Variants in UPF3B observed in about 807,000 individuals in gnomAD.
The protein encoded by UPF3B is UPF3B regulator of nonsense mediated mRNA decay.
UPF3B carries 7 observed loss-of-function variants against 40.3 expected under a neutral mutation model. The observed-to-expected ratio is 0.17, with a 90% CI of 0.10 to 0.33. The LOEUF (loss-of-function observed/expected upper bound fraction) is 0.33. UPF3B is among the 10% of genes least tolerant of loss of function. The pLI is 1.00. For missense variants in UPF3B, 229 were observed against 358.9 expected (o/e 0.64, Z 2.93); for synonymous variants, 117 against 117.3 (o/e 1.00, Z 0.01).
chrX:119,827,364 A>G (rs1034629621), intron 3 of UPF3B, among the ~76,000 whole-genome samples: 3 of 111,486 alleles, frequency 2.7e-5, no homozygotes, highest in Non-Finnish European at 5.6e-5. Context: ...GGCTAGTATC[A>G]CTGCTTACAA....
chrX:119,839,236 C>T (rs182368602), intron 8 of UPF3B, among the ~76,000 whole-genome samples: 1 of 112,164 alleles, frequency 8.9e-6, no homozygotes, highest in Non-Finnish European at 1.9e-5. Flanking sequence ...TTATGTAGTA[C>T]TTGGAATGAC....
At chrX:119,832,550 G>A (rs1379241208), downstream of UPF3B, among the ~76,000 whole-genome samples, 2 of 112,186 alleles carry the variant, frequency 1.8e-5, no homozygotes, top group Non-Finnish European at 3.8e-5. Flanking sequence ...TTACAGGCAT[G>A]AGCCACCATG....
chrX:119,840,797 G>T, intron 7 of UPF3B, 113 bp from the exon 8 acceptor site: 1 of 758,886 alleles, frequency 1.3e-6, no homozygotes, highest in Non-Finnish European at 2.0e-6. Flanking sequence ...CATTTACTAT[G>T]AATTTAGAGG....
intron 1 of UPF3B, 121 bp from the exon 2 acceptor site, chrX:119,851,994 G>A (rs112495071): frequency 1.2e-5 from 6 of 507,922 alleles, no homozygotes; most frequent in South Asian, 2.9e-5. Flanking sequence ...AAAAACCCAG[G>A]AGAAAATATT....
chrX:119,817,033 C>T (rs1036790475), intron 4 of UPF3B, among the ~76,000 whole-genome samples: 1 of 111,487 alleles, frequency 9.0e-6, no homozygotes, highest in Non-Finnish European at 1.9e-5. Context: ...TGCAATGGTG[C>T]GATCTCGGCT....
At chrX:119,820,727 C>T (rs760432977) in intron 4 of UPF3B, among the ~76,000 whole-genome samples, 1 of 111,034 alleles carries the variant, frequency 9.0e-6, no homozygotes, top group Non-Finnish European at 1.9e-5. Context: ...CCTCAGCCTC[C>T]CAAAGTGCTG....
At chrX:119,830,101 A>G (rs1048152814), downstream of UPF3B, among the ~76,000 whole-genome samples, 2 of 111,915 alleles carry the variant, frequency 1.8e-5, no homozygotes, top group Admixed American at 9.6e-5. Flanking sequence ...CTGAGGAAAC[A>G]TAAAGTTATT....
At chrX:119,841,378 G>A (rs2056159454) in intron 6 of UPF3B, 120 bp from the exon 7 acceptor site, 1 of 1,103,198 alleles carries the variant, frequency 9.1e-7, no homozygotes, top group South Asian at 2.0e-5. Flanking sequence ...TCTACAAAGT[G>A]GCATTCTACC....
chrX:119,832,310 T>C (rs986275322), downstream of UPF3B, among the ~76,000 whole-genome samples: 2 of 111,989 alleles, frequency 1.8e-5, no homozygotes, highest in African/African-American at 6.5e-5. Flanking sequence ...CCAGGCTGGA[T>C]TGCAGTGGCA....
rs975767091 is a variant in UPF3B, at chrX:119,842,536, C to T, written c.580+655G>A. 9.5e-5 allele frequency among the ~76,000 whole-genome samples: 10 copies of T among 105,551 alleles called. No homozygotes were observed. The East Asian group carries it at 9.7e-4, about 10-fold the overall frequency. The allele number at this position is 105,551 out of a possible 115,157, so 91.7% of individuals were successfully genotyped here. ...CGGAAGTTGCAGTGAGCCGAGATTG[C>T]GACACTGCACTCCAGCCTGGGCGAC... On this transcript the variant is annotated intron_variant, in intron 5 of 10. Transcript: ENST00000276201.
intron 3 of UPF3B, among the ~76,000 whole-genome samples, chrX:119,848,237 G>A (rs939510081): frequency 1.3e-4 from 12 of 92,373 alleles, no homozygotes; most frequent in Non-Finnish European, 2.0e-4. Flanking sequence ...AGCTGAGATC[G>A]CGCCACTGCA....
At chrX:119,842,661 AAAAC>A (rs745581382) in intron 5 of UPF3B, among the ~76,000 whole-genome samples, 134 of 109,726 alleles carry the variant, frequency 1.2e-3, no homozygotes, top group African/African-American at 3.5e-3. Context: ...GCAAGCAAAA[AAAAC>A]AAACAAACAA....
chrX:119,842,603 CAT>C lies in UPF3B; in HGVS notation c.580+586_580+587del, dbSNP rs1491209383. ...TCTCACACACACACACACACACACACATACACACACACACACACACACACACA... is the reference window on the plus strand; with the variant it reads ...TCTCACACACACACACACACACACACACACACACACACACACACACACACA... On this transcript the variant is annotated intron_variant, in intron 5 of 10. Coordinates refer to ENST00000276201, the MANE Select transcript of UPF3B (RefSeq NM_080632.3). Among the ~76,000 whole-genome samples the C allele has an allele frequency of 4.8e-3, 433 of 90,066 alleles. 2 individuals carry two copies. Among genetic ancestry groups the C allele is most frequent in the African/African-American group, 9.4e-3 (210 of 22,398 alleles). 78.2% of individuals were successfully genotyped at this position (90,066 alleles called of 115,157 possible).
At chrX:119,849,412 G>C (rs988896925) in intron 3 of UPF3B, among the ~76,000 whole-genome samples, 2 of 108,556 alleles carry the variant, frequency 1.8e-5, no homozygotes, top group African/African-American at 6.7e-5. Flanking sequence ...AGAATTGCTT[G>C]AACCCAGGAG....
chrX:119,833,913 TG>T (rs1489376727), downstream of UPF3B: 1 of 453,841 alleles, frequency 2.2e-6, no homozygotes, highest in Non-Finnish European at 2.7e-6. Context: ...CCTTCTGCCA[TG>T]AGTTAAAGCT....
At chrX:119,837,456 A>G (rs912203968) in intron 10 of UPF3B, among the ~76,000 whole-genome samples, 22 of 106,343 alleles carry the variant, frequency 2.1e-4, no homozygotes, top group Non-Finnish European at 3.9e-4. Flanking sequence ...TCTACTAAAA[A>G]TACAAAAAAA....
chrX:119,851,764 T>TTTTTTTTTTTTTAA lies in UPF3B; in HGVS notation c.263+2_263+3insTTAAAAAAAAAAAA. 1.0e-6 allele frequency: 1 copy of TTTTTTTTTTTTTAA among 968,456 alleles called. No individual in the cohort carries two copies. The allele number at this position is 968,456 out of a possible 1,213,427, so 79.8% of individuals were successfully genotyped here. A position where few individuals can be genotyped will look rare whatever the true frequency, so the allele number is the denominator to read the frequency against. ...ACCCCTTTCCTTTTTTTTTTTTTTT[T>TTTTTTTTTTTTTAA]ACCTCGTATCATTAGAAAAAAACTC... is the stretch of plus-strand genomic sequence containing the variant. On this transcript the variant is annotated splice_region_variant and intron_variant, in intron 2 of 10. Transcript: ENST00000276201.
chrX:119,836,712 G>A (rs184917562), intron 10 of UPF3B, among the ~76,000 whole-genome samples: 1,327 of 105,798 alleles, frequency 0.013, 10 homozygotes, highest in Middle Eastern at 0.061. Context: ...GTGCAGTGAC[G>A]CGATCTCGGC....
chrX:119,842,479 A>T (rs1361253309), intron 5 of UPF3B, among the ~76,000 whole-genome samples: 2 of 109,012 alleles, frequency 1.8e-5, no homozygotes, highest in African/African-American at 6.7e-5. Context: ...GCTACTCGGG[A>T]GACTGCGGCA....
Sources: allele counts gnomAD v4.1 joint callset (sites outside exome capture counted in the v4.1 genomes callset), GRCh38; gene constraint gnomAD v4.1.1; transcripts MANE v1.5; gene names NCBI Gene and HGNC (gene_info 2026-07-23, HGNC 2026-07-21).